The following RUNX1 variants were observed in gnomAD, a reference collection of about 807,000 sequenced individuals.
RUNX1 encodes the protein RUNX family transcription factor 1.
RUNX1 carries 19 observed loss-of-function variants against 42.8 expected under a neutral mutation model. That is an observed-to-expected ratio of 0.44 (90% CI 0.31 to 0.65). RUNX1 has a LOEUF of 0.65. Among genes scored for constraint, RUNX1 ranks in the 30% least tolerant of loss-of-function variants. The probability of loss-of-function intolerance (pLI) is 0.07; values close to 1 mark genes in which losing one functional copy is unlikely to be tolerated. For synonymous variants in RUNX1, 271 were observed against 289.4 expected (o/e 0.94, Z 0.64); for missense variants, 528 against 672.0 (o/e 0.79, Z 2.37).
chr21:34,958,404 C>A (rs1055271163), intron 2 of RUNX1, among the ~76,000 whole-genome samples: 1 of 152,296 alleles, frequency 6.6e-6, no homozygotes, highest in Admixed American at 6.5e-5. Context: ...TGAACAGACA[C>A]TTCTCAAAAG....
Position 34,824,754 on chromosome 21 carries a change from C to A in RUNX1, c.805+9656G>T, listed in dbSNP as rs372875421. The stretch of plus-strand genomic sequence containing the variant: ...AAGCAAAGACACAGGTAATGAAAGT[C>A]CCTCCGCATCATTTAAATCACAAAT... On this transcript the variant is annotated intron_variant, in intron 7 of 8. Transcript: ENST00000675419. 1.1e-3 allele frequency among the ~76,000 whole-genome samples: 162 copies of A among 152,274 alleles called. 2 individuals are homozygous for A. Among genetic ancestry groups the A allele is most frequent in the African/African-American group, 3.8e-3 (156 of 41,560 alleles).
At chr21:34,823,321 C>T (rs1490744603) in intron 7 of RUNX1, among the ~76,000 whole-genome samples, 22 of 151,532 alleles carry the variant, frequency 1.5e-4, no homozygotes, top group Admixed American at 1.4e-3. Context: ...TCTTATTAAA[C>T]GGAACTGATG....
At chr21:34,849,323 T>G (rs796185917) in intron 6 of RUNX1, among the ~76,000 whole-genome samples, 1 of 33,128 alleles carries the variant, frequency 3.0e-5, no homozygotes, top group Admixed American at 6.5e-4. Context: ...TATATATATA[T>G]TATATATACT....
intron 2 of RUNX1, among the ~76,000 whole-genome samples, chr21:34,906,127 A>G (rs563959404): frequency 6.6e-6 from 1 of 152,352 alleles, no homozygotes; most frequent in African/African-American, 2.4e-5. Context: ...TCTATTTTTT[A>G]AACTAATATA....
intron 5 of RUNX1, among the ~76,000 whole-genome samples, chr21:34,877,686 G>A (rs771187894): frequency 1.2e-4 from 18 of 152,302 alleles, no homozygotes; most frequent in Admixed American, 2.0e-4. Context: ...TCCCAGTTAC[G>A]GAATGAACCC....
intron 7 of RUNX1, among the ~76,000 whole-genome samples, chr21:34,820,185 G>A (rs1002420633): frequency 2.0e-5 from 3 of 152,302 alleles, no homozygotes; most frequent in Non-Finnish European, 2.9e-5. Flanking sequence ...CTGGGGTGCC[G>A]GCTGGGGCTG....
chr21:34,895,808 A>G (rs947455474), intron 2 of RUNX1, among the ~76,000 whole-genome samples: 2 of 152,198 alleles, frequency 1.3e-5, no homozygotes. Flanking sequence ...GAACTTCAAC[A>G]TGCGGGAAAA....
rs188758864 is a variant in RUNX1, at chr21:34,919,058, C to T, written c.59-26095G>A. Among the ~76,000 whole-genome samples, 158 of 152,208 alleles carry T rather than the reference C, an allele frequency of 1.0e-3. 1 individual carries two copies. The highest frequency in any genetic ancestry group is 1.9e-3 in the South Asian group (9 of 4,818). ...TGAACACAAAAAGGGCTTTCACTTT[C>T]GCATCAATGCTATGAGGTAGGTATT... is the stretch of plus-strand genomic sequence containing the variant. On this transcript the variant is annotated intron_variant, in intron 2 of 8. Coordinates refer to ENST00000675419, the MANE Select transcript of RUNX1 (RefSeq NM_001754.5).
At chr21:34,975,477 C>T in intron 2 of RUNX1, among the ~76,000 whole-genome samples, 1 of 152,078 alleles carries the variant, frequency 6.6e-6, no homozygotes. Flanking sequence ...TTAAAGTATA[C>T]AGGAGGATGT....
intron 2 of RUNX1, among the ~76,000 whole-genome samples, chr21:35,002,359 G>T (rs2059051065): frequency 6.7e-6 from 1 of 150,056 alleles, no homozygotes; most frequent in African/African-American, 2.5e-5. Flanking sequence ...ATTGCCCTTA[G>T]TATCATTTTC....
chr21:34,971,856 C>T (rs2058766147), intron 2 of RUNX1, among the ~76,000 whole-genome samples: 1 of 152,140 alleles, frequency 6.6e-6, no homozygotes, highest in South Asian at 2.1e-4. Context: ...GTGTGGTTCA[C>T]CAGTGCCTAA....
intron 2 of RUNX1, among the ~76,000 whole-genome samples, chr21:34,915,070 T>C (rs2058301990): frequency 6.6e-6 from 1 of 152,204 alleles, no homozygotes; most frequent in Non-Finnish European, 1.5e-5. Flanking sequence ...AGCACCGTTA[T>C]GAGGACTAAA....
intron 7 of RUNX1, among the ~76,000 whole-genome samples, chr21:34,820,360 C>T (rs1032137055): frequency 6.6e-6 from 1 of 152,042 alleles, no homozygotes; most frequent in Non-Finnish European, 1.5e-5. Context: ...TTTAAGAATC[C>T]CTCCTCCAGC....
chr21:34,967,564 GA>G, intron 2 of RUNX1, among the ~76,000 whole-genome samples: 1 of 152,162 alleles, frequency 6.6e-6, no homozygotes, highest in Non-Finnish European at 1.5e-5. Flanking sequence ...GTGTTAAGTT[GA>G]AAAGGTCTAA....
chr21:34,988,378 C>T (rs2058908232), intron 2 of RUNX1, among the ~76,000 whole-genome samples: 1 of 152,186 alleles, frequency 6.6e-6, no homozygotes, highest in South Asian at 2.1e-4. Context: ...TGGGGCTGCT[C>T]CTTTCATACA....
At chr21:34,996,428 G>A (rs1452216384) in intron 2 of RUNX1, among the ~76,000 whole-genome samples, 1 of 152,134 alleles carries the variant, frequency 6.6e-6, no homozygotes, top group African/African-American at 2.4e-5. Context: ...AGAGCAGGCT[G>A]CAGGGACGTC....
chr21:35,018,247 A>G (rs984037731), intron 2 of RUNX1, among the ~76,000 whole-genome samples: 7 of 152,058 alleles, frequency 4.6e-5, no homozygotes, highest in African/African-American at 7.2e-5. Context: ...ACTGGTCTCA[A>G]ACTCCTCACC....
intron 6 of RUNX1, among the ~76,000 whole-genome samples, chr21:34,840,216 C>T (rs114382302): frequency 6.6e-6 from 1 of 152,136 alleles, no homozygotes; most frequent in Admixed American, 6.5e-5. Context: ...TTACATGGAA[C>T]CTTTATTCCG....
At chr21:35,019,220 G>T (rs1360045874) in intron 2 of RUNX1, among the ~76,000 whole-genome samples, 1 of 152,202 alleles carries the variant, frequency 6.6e-6, no homozygotes, top group Non-Finnish European at 1.5e-5. Context: ...CCTTGCAGGT[G>T]CTGCTTTCTT....
Sources: allele counts gnomAD v4.1 joint callset (sites outside exome capture counted in the v4.1 genomes callset), GRCh38; gene constraint gnomAD v4.1.1; transcripts MANE v1.5; gene names NCBI Gene and HGNC (gene_info 2026-07-23, HGNC 2026-07-21).